NALF1: variants seen among roughly 807,000 people sequenced by gnomAD.
The protein encoded by NALF1 is family with sequence similarity 155 member A.
NALF1 carries 3 observed loss-of-function variants against 48.4 expected under a neutral mutation model. The observed-to-expected ratio is 0.06, with a 90% CI of 0.03 to 0.16. NALF1 has a LOEUF of 0.16. Among genes scored for constraint, NALF1 ranks in the 10% least tolerant of loss-of-function variants. The pLI is 1.00. For missense variants in NALF1, 526 were observed against 571.5 expected (o/e 0.92, Z 0.81); for synonymous variants, 262 against 245.7 (o/e 1.07, Z -0.62).
intron 1 of NALF1, among the ~76,000 whole-genome samples, chr13:107,403,040 T>A (rs1317609374): frequency 6.6e-6 from 1 of 151,978 alleles, no homozygotes; most frequent in Non-Finnish European, 1.5e-5. Context: ...TTTCTCACCA[T>A]CAAGATGTGC....
intron 1 of NALF1, among the ~76,000 whole-genome samples, chr13:107,626,497 C>T (rs1487006911): frequency 6.6e-6 from 1 of 151,842 alleles, no homozygotes; most frequent in Admixed American, 6.6e-5. Context: ...TTCACAATAG[C>T]CAAAATATGG....
chr13:107,723,917 T>C (rs1876066833), intron 1 of NALF1, among the ~76,000 whole-genome samples: 1 of 152,210 alleles, frequency 6.6e-6, no homozygotes. Flanking sequence ...TATTGTTATA[T>C]TTAACAATAT....
intron 1 of NALF1, among the ~76,000 whole-genome samples, chr13:107,790,146 T>C (rs897056043): frequency 6.6e-6 from 1 of 152,184 alleles, no homozygotes; most frequent in Non-Finnish European, 1.5e-5. Flanking sequence ...TCCTGAAGCA[T>C]TTACAGAATG....
At chr13:107,233,555 T>C (rs1003415962) in intron 1 of NALF1, among the ~76,000 whole-genome samples, 1 of 140,630 alleles carries the variant, frequency 7.1e-6, no homozygotes, top group Non-Finnish European at 1.6e-5. Flanking sequence ...TTGAAATAAA[T>C]ATCTAAGTGG....
At chr13:107,568,797 A>T (rs1025160973) in intron 1 of NALF1, among the ~76,000 whole-genome samples, 2 of 152,100 alleles carry the variant, frequency 1.3e-5, no homozygotes, top group Admixed American at 1.3e-4. Flanking sequence ...GGATTTTTTG[A>T]ATGTTGAATT....
chr13:107,584,666 C>T (rs187741015), intron 1 of NALF1, among the ~76,000 whole-genome samples: 5 of 152,094 alleles, frequency 3.3e-5, no homozygotes, highest in Admixed American at 3.3e-4. Context: ...TTTTATTACT[C>T]GTATTTTTCA....
intron 1 of NALF1, among the ~76,000 whole-genome samples, chr13:107,310,716 C>T (rs1034465473): frequency 6.6e-6 from 1 of 151,934 alleles, no homozygotes; most frequent in Non-Finnish European, 1.5e-5. Context: ...CTCACTCTGT[C>T]GCCCAGTCTG....
At chr13:107,596,943 T>A (rs1346537379) in intron 1 of NALF1, among the ~76,000 whole-genome samples, 1 of 152,198 alleles carries the variant, frequency 6.6e-6, no homozygotes, top group African/African-American at 2.4e-5. Flanking sequence ...TTTAAGGAAC[T>A]GAACTTTTTG....
intron 1 of NALF1, among the ~76,000 whole-genome samples, chr13:107,494,107 G>A (rs1220585859): frequency 7.2e-6 from 1 of 138,620 alleles, no homozygotes; most frequent in African/African-American, 3.5e-5. Context: ...AGACTCAATT[G>A]TTAGAACTAC....
chr13:107,789,298 CAAT>C (rs953729854), intron 1 of NALF1, among the ~76,000 whole-genome samples: 4 of 152,156 alleles, frequency 2.6e-5, no homozygotes, highest in Non-Finnish European at 5.9e-5. Context: ...TTAATTACAA[CAAT>C]AAGTACAGAG....
intron 1 of NALF1, among the ~76,000 whole-genome samples, chr13:107,570,287 T>C (rs930127967): frequency 2.0e-5 from 3 of 152,062 alleles, no homozygotes; most frequent in Non-Finnish European, 4.4e-5. Context: ...AGATAAATCA[T>C]TCATTCTTCC....
intron 1 of NALF1, among the ~76,000 whole-genome samples, chr13:107,838,253 C>T: frequency 6.6e-6 from 1 of 151,950 alleles, no homozygotes. Context: ...AGAAAAGCAC[C>T]CTCAGACCCA....
At chr13:107,839,485 G>C (rs1360280863) in intron 1 of NALF1, among the ~76,000 whole-genome samples, 1 of 151,202 alleles carries the variant, frequency 6.6e-6, no homozygotes, top group African/African-American at 2.4e-5. Flanking sequence ...CATATTGTTT[G>C]CTGTTGCCAG....
chr13:107,171,395 C>G (rs1878801146), intron 2 of NALF1, among the ~76,000 whole-genome samples: 1 of 152,216 alleles, frequency 6.6e-6, no homozygotes. Flanking sequence ...CTACAGAAGT[C>G]TGCCTCAGTT....
intron 1 of NALF1, among the ~76,000 whole-genome samples, chr13:107,376,947 C>T (rs760602211): frequency 3.3e-4 from 50 of 152,168 alleles, no homozygotes; most frequent in Non-Finnish European, 5.3e-4. Flanking sequence ...TCCTGTTCAG[C>T]ACAATGATGG....
At chr13:107,446,490 A>G (rs1884653516) in intron 1 of NALF1, among the ~76,000 whole-genome samples, 1 of 152,078 alleles carries the variant, frequency 6.6e-6, no homozygotes. Context: ...GTTACTTTCT[A>G]GAATTTAACA....
intron 1 of NALF1, among the ~76,000 whole-genome samples, chr13:107,744,666 T>A (rs1460618670): frequency 1.3e-5 from 2 of 152,236 alleles, no homozygotes; most frequent in Non-Finnish European, 2.9e-5. Context: ...CCCAAGAAGG[T>A]CTGTCTACAA....
At chr13:107,561,174 T>C (rs1382853309) in intron 1 of NALF1, among the ~76,000 whole-genome samples, 1 of 152,226 alleles carries the variant, frequency 6.6e-6, no homozygotes, top group Non-Finnish European at 1.5e-5. Context: ...AGTCACATGA[T>C]ATTTTCATCT....
At chr13:107,850,748 C>A (rs1566505985) in intron 1 of NALF1, among the ~76,000 whole-genome samples, 1 of 151,928 alleles carries the variant, frequency 6.6e-6, no homozygotes. Flanking sequence ...ACTAAAAGTA[C>A]AAAAATTAGC....
Sources: allele counts gnomAD v4.1 joint callset (sites outside exome capture counted in the v4.1 genomes callset), GRCh38; gene constraint gnomAD v4.1.1; transcripts MANE v1.5; gene names NCBI Gene and HGNC (gene_info 2026-07-23, HGNC 2026-07-21).